The following SERPINE2 variants were observed in gnomAD, a reference collection of about 807,000 sequenced individuals.
The protein encoded by SERPINE2 is serpin family E member 2, also known as glia-derived nexin.
In SERPINE2, 14 loss-of-function variants were observed where a neutral mutation model predicts 36.3. The ratio of observed to expected loss-of-function variants is 0.39; its 90% CI spans 0.25 to 0.60. The LOEUF (loss-of-function observed/expected upper bound fraction) is 0.60. Ranked by LOEUF, SERPINE2 falls within the 20% of genes least tolerant of loss-of-function variation. The pLI, the probability that SERPINE2 is intolerant of heterozygous loss-of-function variation, is 0.57. For synonymous variants in SERPINE2, 192 were observed against 191.8 expected (o/e 1.00, Z -0.01); for missense variants, 418 against 499.6 (o/e 0.84, Z 1.56).
At chr2:223,989,542 T>A (rs558406965) in intron 4 of SERPINE2, among the ~76,000 whole-genome samples, 1 of 152,298 alleles carries the variant, frequency 6.6e-6, no homozygotes, top group Admixed American at 6.5e-5. Context: ...TGGCGGTACT[T>A]TCTTCACAGC....
At chr2:224,027,980 G>C (rs182049519) in intron 1 of SERPINE2, among the ~76,000 whole-genome samples, 1 of 152,128 alleles carries the variant, frequency 6.6e-6, no homozygotes, top group African/African-American at 2.4e-5. Context: ...AATCTTCCTC[G>C]AGAACACAGG....
intron 1 of SERPINE2, among the ~76,000 whole-genome samples, chr2:224,020,203 G>A (rs1266663220): frequency 1.3e-5 from 2 of 152,164 alleles, no homozygotes; most frequent in African/African-American, 4.8e-5. Context: ...ACCATGGAAA[G>A]GTTGAACTGT....
chr2:223,991,848 A>C lies in SERPINE2; in HGVS notation c.640T>G (p.Ser214Ala). Reference sequence around the variant, plus strand: ...TGGGCCAGCATTGGCACTTGATAGGATTTCCCGTCGGCTGCCACGAAAGTG... The same window carrying C: ...TGGGCCAGCATTGGCACTTGATAGGCTTTCCCGTCGGCTGCCACGAAAGTG... ...KRTFVAADGK[S>A]YQVPMLAQLS... The change falls in exon 4 of 9, where the codon TCC becomes GCC. Residue 214 changes from serine (S) to alanine (A), a missense_variant. By Grantham distance (99) the Ser-to-Ala change is moderately conservative (BLOSUM62 1). Transcript: ENST00000409304. The C allele has an allele frequency of 6.2e-7, 1 of 1,613,294 alleles. No homozygotes were observed. Among genetic ancestry groups the C allele is most frequent in the African/African-American group, 1.3e-5 (1 of 74,948 alleles).
rs1017841673 is a variant in SERPINE2, at chr2:224,002,210, C to A, written c.-22-288G>T. On this transcript the variant is annotated intron_variant, in intron 1 of 8. Coordinates refer to ENST00000409304, the MANE Select transcript of SERPINE2 (RefSeq NM_001136528.2). Reference sequence around the variant, plus strand: ...CAGGCTGGTCTCAAACTCCTGACCTCAAGTGATCTGCCTGACTCAGCCTCC... The same window carrying A: ...CAGGCTGGTCTCAAACTCCTGACCTAAAGTGATCTGCCTGACTCAGCCTCC... Among the ~76,000 whole-genome samples the A allele has an allele frequency of 2.6e-5, 4 of 152,078 alleles. No individual in the cohort carries two copies. In the East Asian group the frequency reaches 7.7e-4, roughly 29 times the overall value.
In SERPINE2 at chr2:223,975,605, A is replaced by T; in HGVS notation, c.*262T>A. The T allele has an allele frequency of 2.9e-6, 1 of 346,912 alleles. No homozygotes were observed. Among genetic ancestry groups the T allele is most frequent in the Non-Finnish European group, 5.2e-6 (1 of 194,086 alleles). 21.5% of individuals were successfully genotyped at this position (346,912 alleles called of 1,614,324 possible). On this transcript the variant is annotated 3_prime_UTR_variant, in exon 9 of 9. Transcript: ENST00000409304. Reference sequence around the variant, plus strand: ...CAACAGGGTTGTTAACCTAGGTAACAGTTCAGTAGTTTAAAGAATCTTTTA... The same window carrying T: ...CAACAGGGTTGTTAACCTAGGTAACTGTTCAGTAGTTTAAAGAATCTTTTA...
chr2:224,017,819 T>C (rs1177664487), intron 1 of SERPINE2, among the ~76,000 whole-genome samples: 1 of 152,216 alleles, frequency 6.6e-6, no homozygotes, highest in African/African-American at 2.4e-5. Context: ...GTTACCCCAT[T>C]TACCACCATC....
intron 1 of SERPINE2, among the ~76,000 whole-genome samples, chr2:224,034,702 G>A (rs1477123006): frequency 1.3e-5 from 2 of 152,124 alleles, no homozygotes; most frequent in Non-Finnish European, 2.9e-5. Context: ...CCAAGGGTGG[G>A]GGACTCCCTG....
At chr2:224,030,066 G>A (rs929494277) in intron 1 of SERPINE2, 2 of 985,270 alleles carry the variant, frequency 2.0e-6, no homozygotes, top group African/African-American at 1.7e-5. Context: ...AGCATGACAG[G>A]GCTACCTGCA....
In SERPINE2 at chr2:224,022,334, GAAA is replaced by G. The variant is rs11283961; in HGVS notation, c.-23+16762_-23+16764del. ...GTGATAGAGTGAGACCCTGTCTCAA[GAAA>G]AAAAAAAAAAAAAAATTTAAAGTTA... On this transcript the variant is annotated intron_variant, in intron 1 of 8. Coordinates refer to ENST00000409304, the MANE Select transcript of SERPINE2 (RefSeq NM_001136528.2). Among the ~76,000 whole-genome samples the G allele has an allele frequency of 2.4e-4, 30 of 123,490 alleles. 1 individual carries two copies. The highest frequency in any genetic ancestry group is 4.2e-3 in the Middle Eastern group (1 of 240). The allele number at this position is 123,490 out of a possible 152,430, so 81.0% of individuals were successfully genotyped here.
In SERPINE2 at chr2:224,005,065, TTATATATA is replaced by T. The variant is rs71058976; in HGVS notation, c.-22-3151_-22-3144del. On this transcript the variant is annotated intron_variant, in intron 1 of 8. Coordinates refer to ENST00000409304, the MANE Select transcript of SERPINE2 (RefSeq NM_001136528.2). ...ATATATTTTATATATTTTATATATA[TTATATATA>T]TATATATATATATATATATATATAA... Among the ~76,000 whole-genome samples the T allele has an allele frequency of 3.3e-4, 11 of 33,578 alleles. No homozygotes were observed. The East Asian group carries it at 6.1e-3, about 19-fold the overall frequency. The allele number at this position is 33,578 out of a possible 152,430, so 22.0% of individuals were successfully genotyped here.
chr2:224,020,244 C>T (rs1691951500), intron 1 of SERPINE2, among the ~76,000 whole-genome samples: 1 of 152,164 alleles, frequency 6.6e-6, no homozygotes, highest in Non-Finnish European at 1.5e-5. Flanking sequence ...TAGCCTCCTG[C>T]ATCAGTATTC....
Position 224,003,196 on chromosome 2 carries a change from G to A in SERPINE2, c.-22-1274C>T, listed in dbSNP as rs984222415. ...GGGAGAGCAGGGCCGAGGCCCTGACGTGGGAATAAACTTGGTGTATTAGAG... is the reference window on the plus strand; with the variant it reads ...GGGAGAGCAGGGCCGAGGCCCTGACATGGGAATAAACTTGGTGTATTAGAG... On this transcript the variant is annotated intron_variant, in intron 1 of 8. Transcript: ENST00000409304. 9.2e-5 allele frequency among the ~76,000 whole-genome samples: 14 copies of A among 152,204 alleles called. No individual in the cohort carries two copies. In the East Asian group the frequency reaches 2.5e-3, roughly 27 times the overall value.
chr2:224,017,177 C>T (rs893674375), intron 1 of SERPINE2, among the ~76,000 whole-genome samples: 1 of 152,106 alleles, frequency 6.6e-6, no homozygotes, highest in Non-Finnish European at 1.5e-5. Context: ...ATGTCAGTTT[C>T]CTGGTTGTGG....
At chr2:224,016,012 A>T (rs1447951198) in intron 1 of SERPINE2, among the ~76,000 whole-genome samples, 2 of 152,248 alleles carry the variant, frequency 1.3e-5, no homozygotes, top group Non-Finnish European at 2.9e-5. Flanking sequence ...AATGGTAAAT[A>T]CGTCCATTAA....
intron 3 of SERPINE2, among the ~76,000 whole-genome samples, chr2:223,995,875 C>T (rs150893555): frequency 1.3e-5 from 2 of 152,272 alleles, no homozygotes; most frequent in African/African-American, 4.8e-5. Flanking sequence ...TACTTTATTA[C>T]GTATTTGAGT....
intron 1 of SERPINE2, among the ~76,000 whole-genome samples, chr2:224,028,674 G>C (rs1173450451): frequency 6.6e-6 from 1 of 152,098 alleles, no homozygotes; most frequent in Non-Finnish European, 1.5e-5. Context: ...TACCTTACAA[G>C]GGTTGTTAGG....
chr2:224,009,954 T>C (rs977621335), intron 1 of SERPINE2, among the ~76,000 whole-genome samples: 1 of 152,220 alleles, frequency 6.6e-6, no homozygotes, highest in African/African-American at 2.4e-5. Context: ...GCCTCACATA[T>C]GGTCTCTGTC....
chr2:224,004,557 G>A (rs1691320050), intron 1 of SERPINE2, among the ~76,000 whole-genome samples: 1 of 152,140 alleles, frequency 6.6e-6, no homozygotes, highest in South Asian at 2.1e-4. Flanking sequence ...GGAGTTTCCT[G>A]GAGCCTACTG....
At chr2:223,989,878 T>C (rs1690585054) in intron 4 of SERPINE2, among the ~76,000 whole-genome samples, 1 of 152,100 alleles carries the variant, frequency 6.6e-6, no homozygotes, top group Non-Finnish European at 1.5e-5. Context: ...TAAGCAGAAT[T>C]TGATGAAGGA....
Sources: allele counts gnomAD v4.1 joint callset (sites outside exome capture counted in the v4.1 genomes callset), GRCh38; gene constraint gnomAD v4.1.1; transcripts MANE v1.5; gene names NCBI Gene and HGNC (gene_info 2026-07-23, HGNC 2026-07-21).